RARRES1: variants seen among roughly 807,000 people sequenced by gnomAD.
RARRES1 encodes retinoic acid receptor responder 1.
RARRES1 carries 34 observed loss-of-function variants against 30.6 expected under a neutral mutation model. The ratio of observed to expected loss-of-function variants is 1.11; its 90% CI spans 0.84 to 1.48. The LOEUF is 1.48. Among genes scored for constraint, RARRES1 ranks in the 40% most tolerant of loss-of-function variants. The probability of loss-of-function intolerance (pLI) is 0.00; values close to 1 mark genes in which losing one functional copy is unlikely to be tolerated. For missense variants in RARRES1, 373 were observed against 386.5 expected, an observed-to-expected ratio of 0.97 and a Z score of 0.29; for synonymous variants, 153 against 155.5, an observed-to-expected ratio of 0.98 and a Z score of 0.12.
At chr3:158,714,226 C>T (rs1304686237) in intron 1 of RARRES1, among the ~76,000 whole-genome samples, 4 of 152,178 alleles carry the variant, frequency 2.6e-5, no homozygotes, top group Non-Finnish European at 5.9e-5. Context: ...GCCACATCAG[C>T]GAGCAGGACT....
rs544514538 is a variant in RARRES1, at chr3:158,722,900, T to C, written c.277-9041A>G. 2.3e-3 allele frequency among the ~76,000 whole-genome samples: 255 copies of C among 113,184 alleles called. 2 individuals are homozygous for C. The highest frequency in any genetic ancestry group is 0.021 in the Admixed American group (240 of 11,214). The allele number at this position is 113,184 out of a possible 152,430, so 74.3% of individuals were successfully genotyped here. A position where few individuals can be genotyped will look rare whatever the true frequency, so the allele number is the denominator to read the frequency against. On this transcript the variant is annotated intron_variant, in intron 1 of 5. Transcript: ENST00000237696. ...CCATCTCAAAAAAAAAAAAAAAAAA[T>C]CTAACATCCCCTTTAAACTCTCTCA...
chr3:158,717,961 A>G (rs1727378167), intron 1 of RARRES1, among the ~76,000 whole-genome samples: 1 of 150,152 alleles, frequency 6.7e-6, no homozygotes, highest in African/African-American at 2.5e-5. Flanking sequence ...CATCACTAGA[A>G]TACATTTTAT....
chr3:158,723,700 A>C lies in RARRES1; in HGVS notation c.276+8440T>G, dbSNP rs1352941674. Reference sequence around the variant, plus strand: ...TGATTTGGGGTAGGAAGCGAGTGGAAGTGGCCAGAGGCAGCTGCCCCCTCC... The same window carrying C: ...TGATTTGGGGTAGGAAGCGAGTGGACGTGGCCAGAGGCAGCTGCCCCCTCC... On this transcript the variant is annotated intron_variant, in intron 1 of 5. Transcript: ENST00000237696. The surrounding 1 kb of genome is among the most constrained non-coding windows in gnomAD (Gnocchi z 4.4). 6.6e-6 allele frequency among the ~76,000 whole-genome samples: 1 copy of C among 152,144 alleles called. No individual in the cohort carries two copies. Among genetic ancestry groups the C allele is most frequent in the African/African-American group, 2.4e-5 (1 of 41,428 alleles).
chr3:158,729,952 G>A (rs1054462914), intron 1 of RARRES1, among the ~76,000 whole-genome samples: 1 of 152,060 alleles, frequency 6.6e-6, no homozygotes, highest in African/African-American at 2.4e-5. Context: ...AGTTCTCAAG[G>A]TCCGTTATCT....
chr3:158,704,019 A>G (rs1726822634), intron 4 of RARRES1, among the ~76,000 whole-genome samples: 1 of 152,012 alleles, frequency 6.6e-6, no homozygotes, highest in Non-Finnish European at 1.5e-5. Flanking sequence ...CAATCGGTAA[A>G]TGAAAACTGT....
intron 4 of RARRES1, among the ~76,000 whole-genome samples, chr3:158,699,440 C>CG (rs1726652788): frequency 6.6e-6 from 1 of 150,656 alleles, no homozygotes; most frequent in Non-Finnish European, 1.5e-5. Context: ...AGCAACCCCC[C>CG]CCCCACCAAA....
chr3:158,721,562 T>C (rs769962777), intron 1 of RARRES1, among the ~76,000 whole-genome samples: 1 of 152,216 alleles, frequency 6.6e-6, no homozygotes, highest in Non-Finnish European at 1.5e-5. Flanking sequence ...AGGATACAGC[T>C]GACCACTAAA....
intron 1 of RARRES1, among the ~76,000 whole-genome samples, chr3:158,720,273 T>TGTGTGTGAGAGAGAGAGAGA (rs1160861397): frequency 6.9e-6 from 1 of 144,452 alleles, no homozygotes; most frequent in African/African-American, 2.6e-5. Context: ...TGTATGTGTG[T>TGTGTGTGAGAGAGAGAGAGA]GAGAGAGAGA....
At chr3:158,704,617 T>C in intron 4 of RARRES1, 174 bp downstream of exon 4, 8 of 1,050,990 alleles carry the variant, frequency 7.6e-6, no homozygotes, top group South Asian at 2.2e-5. Context: ...TGTTCACGAC[T>C]GTATCCCCAG....
At chr3:158,699,759 C>T (rs1445502230) in intron 4 of RARRES1, among the ~76,000 whole-genome samples, 2 of 152,192 alleles carry the variant, frequency 1.3e-5, no homozygotes, top group African/African-American at 4.8e-5. Flanking sequence ...AAGCAAACAT[C>T]TGAGGCACAA....
intron 4 of RARRES1, among the ~76,000 whole-genome samples, chr3:158,698,844 TC>T (rs1726634092): frequency 6.6e-6 from 1 of 152,242 alleles, no homozygotes; most frequent in Admixed American, 6.5e-5. Flanking sequence ...ACAATTTTTT[TC>T]TTTTCTCTTT....
At chr3:158,702,029 GTTTGTTTTGT>G (rs1320058751) in intron 4 of RARRES1, among the ~76,000 whole-genome samples, 4 of 151,970 alleles carry the variant, frequency 2.6e-5, no homozygotes, top group Admixed American at 2.0e-4. Flanking sequence ...ATTTGTTTTT[GTTTGTTTTGT>G]TTTGTTTTGT....
chr3:158,728,516 CTTTTTT>C (rs755791546), intron 1 of RARRES1, among the ~76,000 whole-genome samples: 54 of 133,920 alleles, frequency 4.0e-4, no homozygotes, highest in Admixed American at 1.0e-3. Flanking sequence ...CTTTTTCTTT[CTTTTTT>C]TTTTTTTTTT....
At chr3:158,713,663 T>A in intron 2 of RARRES1, 134 bp downstream of exon 2, 1 of 829,486 alleles carries the variant, frequency 1.2e-6, no homozygotes. Flanking sequence ...TAGTTCTTGA[T>A]AACAAATAGG....
intron 2 of RARRES1, among the ~76,000 whole-genome samples, chr3:158,711,950 A>G (rs1727149686): frequency 6.6e-6 from 1 of 152,168 alleles, no homozygotes; most frequent in Non-Finnish European, 1.5e-5. Context: ...CTTATTTTAT[A>G]ATCCAGAAAC....
At chr3:158,713,244 C>T (rs778954987) in intron 2 of RARRES1, among the ~76,000 whole-genome samples, 4 of 152,110 alleles carry the variant, frequency 2.6e-5, no homozygotes, top group Admixed American at 6.5e-5. Flanking sequence ...AATTTCTATA[C>T]GAGTTTTCTC....
rs964243066 is a variant in RARRES1, at chr3:158,711,715, C to A, written c.340-782G>T. ...GGTTCACGCGATTCTCCTGCCTCAG[C>A]CTCTGAGTAGCTGGGATTACAGGTG... On this transcript the variant is annotated intron_variant, in intron 2 of 5. Transcript: ENST00000237696. Among the ~76,000 whole-genome samples the A allele has an allele frequency of 4.0e-5, 6 of 151,666 alleles. No homozygotes were observed. The South Asian group carries it at 1.2e-3, about 32-fold the overall frequency.
At chr3:158,727,715 C>A (rs1727736647) in intron 1 of RARRES1, among the ~76,000 whole-genome samples, 1 of 152,078 alleles carries the variant, frequency 6.6e-6, no homozygotes, top group South Asian at 2.1e-4. Flanking sequence ...GAGCCTATGC[C>A]ATGTAATACT....
At position 158,710,658 on chromosome 3, in the gene RARRES1, AAACTT is replaced by A. The variant is rs1399518071; in HGVS notation, c.535+75_535+79del. 8 of 1,379,908 alleles carry A rather than the reference AAACTT, an allele frequency of 5.8e-6. No individual in the cohort carries two copies. The African/African-American group carries it at 8.7e-5, about 15-fold the overall frequency. The allele number at this position is 1,379,908 out of a possible 1,614,324, so 85.5% of individuals were successfully genotyped here. Reference sequence around the variant, plus strand: ...AATGAAAGTGCCACTTTAGGGATAAAAACTTAAATGATCTTTCTTTTAAGGATTTA... The same window carrying A: ...AATGAAAGTGCCACTTTAGGGATAAAAAATGATCTTTCTTTTAAGGATTTA... On this transcript the variant is annotated intron_variant, in intron 3 of 5. Coordinates refer to ENST00000237696, the MANE Select transcript of RARRES1 (RefSeq NM_206963.2).
Sources: gnomAD v4.1 joint callset for allele counts (sites outside exome capture counted in the v4.1 genomes callset) on GRCh38, gnomAD v4.1.1 for gene constraint, Gnocchi (gnomAD v3.1) non-coding constraint, MANE v1.5 for transcripts, NCBI Gene and HGNC (gene_info 2026-07-23, HGNC 2026-07-21) for gene names.